GABRB1: variants seen among roughly 807,000 people sequenced by gnomAD.
GABRB1 encodes gamma-aminobutyric acid receptor subunit beta-1.
Under a neutral mutation model 51.6 loss-of-function variants are expected in GABRB1, and 17 were observed. The ratio of observed to expected loss-of-function variants is 0.33; its 90% CI spans 0.23 to 0.49. GABRB1 has a LOEUF of 0.49. Among genes scored for constraint, GABRB1 ranks in the 20% least tolerant of loss-of-function variants. The probability of loss-of-function intolerance (pLI) is 0.99; values close to 1 mark genes in which losing one functional copy is unlikely to be tolerated. For missense variants in GABRB1, 410 were observed against 600.6 expected (o/e 0.68, Z 3.32); for synonymous variants, 247 against 218.9 (o/e 1.13, Z -1.14).
intron 4 of GABRB1, among the ~76,000 whole-genome samples, chr4:47,198,128 T>C (rs1156656166): frequency 6.6e-6 from 1 of 152,146 alleles, no homozygotes; most frequent in African/African-American, 2.4e-5. Flanking sequence ...ACTAATAAAC[T>C]GCAGGTTTCA....
intron 1 of GABRB1, among the ~76,000 whole-genome samples, chr4:47,007,895 A>ATATATATATATATATATATATATAG (rs375965914): frequency 2.9e-4 from 5 of 17,524 alleles, no homozygotes; most frequent in Non-Finnish European, 1.7e-4. Context: ...TATATATATA[A>ATATATATATATATATATATATATAG]AATCAAGTTT....
intron 4 of GABRB1, among the ~76,000 whole-genome samples, chr4:47,279,736 C>T (rs1723208069): frequency 6.6e-6 from 1 of 152,024 alleles, no homozygotes; most frequent in South Asian, 2.1e-4. Flanking sequence ...CCCTCCTCCC[C>T]CAATTTTGGT....
intron 1 of GABRB1, among the ~76,000 whole-genome samples, chr4:47,016,407 T>G (rs911353684): frequency 1.3e-5 from 2 of 152,134 alleles, no homozygotes; most frequent in African/African-American, 4.8e-5. Flanking sequence ...TAATAAAAAT[T>G]TTTGAAAATC....
Position 47,371,152 on chromosome 4 carries a change from C to T in GABRB1, c.545-32166C>T, listed in dbSNP as rs141557304. On this transcript the variant is annotated intron_variant, in intron 5 of 8. Transcript: ENST00000295454. ...CCACCATATGTCCATGTGTTCTCAT[C>T]GTTCAGCTCCCACTTATAAGTGAGA... 4.4e-3 allele frequency among the ~76,000 whole-genome samples: 619 copies of T among 141,420 alleles called. 4 individuals are homozygous for T. Among genetic ancestry groups the T allele is most frequent in the African/African-American group, 0.015 (584 of 37,974 alleles). The allele number at this position is 141,420 out of a possible 152,430, so 92.8% of individuals were successfully genotyped here.
intron 4 of GABRB1, among the ~76,000 whole-genome samples, chr4:47,295,231 A>G (rs898083046): frequency 9.2e-5 from 14 of 152,254 alleles, no homozygotes. Flanking sequence ...GCAGTTCCTC[A>G]CCAGCAACGG....
At chr4:47,122,611 A>C (rs894099960) in intron 3 of GABRB1, among the ~76,000 whole-genome samples, 29 of 73,702 alleles carry the variant, frequency 3.9e-4, no homozygotes, top group African/African-American at 1.3e-3. Context: ...CATGGAACTG[A>C]AACTCCAGTC....
intron 3 of GABRB1, among the ~76,000 whole-genome samples, chr4:47,140,394 T>G (rs984974405): frequency 6.6e-6 from 1 of 151,930 alleles, no homozygotes; most frequent in Non-Finnish European, 1.5e-5. Context: ...GATATGAAAT[T>G]TATAATAGCT....
intron 4 of GABRB1, among the ~76,000 whole-genome samples, chr4:47,298,130 TATC>T (rs1724087349): frequency 2.0e-5 from 3 of 152,064 alleles, no homozygotes; most frequent in Admixed American, 2.0e-4. Context: ...CCACAGCCAA[TATC>T]ATACTGAATG....
intron 5 of GABRB1, among the ~76,000 whole-genome samples, chr4:47,385,082 T>C (rs960765679): frequency 6.6e-6 from 1 of 152,196 alleles, no homozygotes; most frequent in African/African-American, 2.4e-5. Flanking sequence ...ACCAAACAAA[T>C]GTTTCAAAGT....
At chr4:46,998,285 A>T (rs1026958559) in intron 1 of GABRB1, among the ~76,000 whole-genome samples, 1 of 152,112 alleles carries the variant, frequency 6.6e-6, no homozygotes, top group African/African-American at 2.4e-5. Flanking sequence ...ATTATTAATT[A>T]TTTTTTTATA....
At chr4:47,247,699 G>C (rs550341018) in intron 4 of GABRB1, among the ~76,000 whole-genome samples, 12 of 152,000 alleles carry the variant, frequency 7.9e-5, no homozygotes, top group Non-Finnish European at 1.8e-4. Context: ...TCCTTCAGCA[G>C]TGTTTTGTAG....
At chr4:47,122,849 C>G (rs1715841327) in intron 3 of GABRB1, among the ~76,000 whole-genome samples, 1 of 152,132 alleles carries the variant, frequency 6.6e-6, no homozygotes, top group African/African-American at 2.4e-5. Flanking sequence ...CTTCCCCTAG[C>G]CTTGAAGCCT....
Position 47,194,484 on chromosome 4 carries a change from A to G in GABRB1, c.461+33015A>G, listed in dbSNP as rs184945702. On this transcript the variant is annotated intron_variant, in intron 4 of 8. Coordinates refer to ENST00000295454, the MANE Select transcript of GABRB1 (RefSeq NM_000812.4). Reference sequence around the variant, plus strand: ...GGGTTATATTATCTTTTCTCATTCCAGAAAAAAAAGTTATTAAATTTTTAG... The same window carrying G: ...GGGTTATATTATCTTTTCTCATTCCGGAAAAAAAAGTTATTAAATTTTTAG... Among the ~76,000 whole-genome samples the G allele has an allele frequency of 4.4e-3, 675 of 152,280 alleles. 9 individuals are homozygous for G. The highest frequency in any genetic ancestry group is 0.016 in the African/African-American group (649 of 41,540).
At chr4:47,369,979 A>G (rs974662663) in intron 5 of GABRB1, among the ~76,000 whole-genome samples, 2 of 152,160 alleles carry the variant, frequency 1.3e-5, no homozygotes, top group African/African-American at 4.8e-5. Flanking sequence ...TCAAAGAAAC[A>G]AAGAGTGATA....
intron 4 of GABRB1, among the ~76,000 whole-genome samples, chr4:47,315,418 A>G (rs553671743): frequency 4.6e-5 from 7 of 152,128 alleles, no homozygotes; most frequent in African/African-American, 1.7e-4. Flanking sequence ...AGGAAAATTT[A>G]TACACTGCTG....
chr4:47,018,760 G>C (rs1724823662), intron 1 of GABRB1, among the ~76,000 whole-genome samples: 1 of 152,168 alleles, frequency 6.6e-6, no homozygotes, highest in Non-Finnish European at 1.5e-5. Flanking sequence ...AGTGGAAGTG[G>C]ATCATCCTAA....
chr4:47,032,598 C>A, intron 3 of GABRB1, 114 bp downstream of exon 3: 1 of 972,432 alleles, frequency 1.0e-6, no homozygotes, highest in Non-Finnish European at 1.7e-6. Flanking sequence ...CCCTGAGGTC[C>A]CACTCCGCAC....
At chr4:47,222,600 C>T (rs1397693397) in intron 4 of GABRB1, among the ~76,000 whole-genome samples, 1 of 152,050 alleles carries the variant, frequency 6.6e-6, no homozygotes, top group African/African-American at 2.4e-5. Flanking sequence ...TGAGTGAAGC[C>T]ATCTTAGACC....
chr4:47,296,574 A>G (rs1300263080), intron 4 of GABRB1, among the ~76,000 whole-genome samples: 2 of 152,208 alleles, frequency 1.3e-5, no homozygotes, highest in African/African-American at 4.8e-5. Context: ...CTAAATATAT[A>G]TGCACCCAAT....
Sources: gnomAD v4.1 joint callset for allele counts (sites outside exome capture counted in the v4.1 genomes callset) on GRCh38, gnomAD v4.1.1 for gene constraint, MANE v1.5 for transcripts, NCBI Gene and HGNC (gene_info 2026-07-23, HGNC 2026-07-21) for gene names.